HPSE2: variants seen among roughly 807,000 people sequenced by gnomAD.
HPSE2 encodes inactive heparanase-2.
HPSE2 carries 38 observed loss-of-function variants against 60.5 expected under a neutral mutation model. That is an observed-to-expected ratio of 0.63 (90% CI 0.48 to 0.82). HPSE2 has a LOEUF of 0.82. Ranked by LOEUF, HPSE2 falls within the 40% of genes least tolerant of loss-of-function variation. The pLI is 0.00. For missense variants in HPSE2, 713 were observed against 740.4 expected (o/e 0.96, Z 0.43); for synonymous variants, 295 against 293.2 (o/e 1.01, Z -0.06).
chr10:98,548,420 C>G (rs1564959156), intron 9 of HPSE2, among the ~76,000 whole-genome samples: 1 of 151,984 alleles, frequency 6.6e-6, no homozygotes, highest in Admixed American at 6.6e-5. Flanking sequence ...AGTTCAAGAC[C>G]AGTGTGGCCA....
At chr10:99,275,881 A>G in the HPSE2 span, among the ~76,000 whole-genome samples, 3 of 152,076 alleles carry the variant, frequency 2.0e-5, no homozygotes, top group Non-Finnish European at 4.4e-5. Context: ...AATGAAGGGA[A>G]GAGATTATTA....
intron 9 of HPSE2, among the ~76,000 whole-genome samples, chr10:98,497,814 G>A (rs1334791085): frequency 6.6e-6 from 1 of 151,878 alleles, no homozygotes; most frequent in Non-Finnish European, 1.5e-5. Context: ...TCATTTTCTT[G>A]TAGCACTGTT....
At chr10:98,936,381 G>A (rs1954790889) in intron 3 of HPSE2, among the ~76,000 whole-genome samples, 1 of 143,728 alleles carries the variant, frequency 7.0e-6, no homozygotes, top group South Asian at 2.1e-4. Flanking sequence ...GTGCCTGCCT[G>A]AACAGCTGCC....
At chr10:99,182,615 C>T (rs906890686) in intron 2 of HPSE2, among the ~76,000 whole-genome samples, 2 of 152,128 alleles carry the variant, frequency 1.3e-5, no homozygotes, top group Admixed American at 6.5e-5. Context: ...GACAGGGAGA[C>T]ATTCTGAGAA....
At chr10:99,113,452 A>G (rs904113185) in intron 3 of HPSE2, among the ~76,000 whole-genome samples, 69 of 152,330 alleles carry the variant, frequency 4.5e-4, no homozygotes, top group East Asian at 1.3e-3. Flanking sequence ...TTGAACATAT[A>G]TCATTCATAT....
intron 5 of HPSE2, among the ~76,000 whole-genome samples, chr10:98,697,945 C>T (rs1948275935): frequency 6.6e-6 from 1 of 150,530 alleles, no homozygotes; most frequent in South Asian, 2.2e-4. Context: ...GCTAACTATC[C>T]TAAATATATA....
chr10:98,951,984 T>C (rs1024900295), intron 3 of HPSE2, among the ~76,000 whole-genome samples: 1 of 152,182 alleles, frequency 6.6e-6, no homozygotes, highest in South Asian at 2.1e-4. Context: ...AACTATATTG[T>C]GGAGCCAAGA....
intron 3 of HPSE2, among the ~76,000 whole-genome samples, chr10:98,882,520 C>G (rs1003403676): frequency 1.3e-5 from 2 of 151,928 alleles, no homozygotes; most frequent in Non-Finnish European, 2.9e-5. Context: ...TTTCCTTGTA[C>G]TAGTGACTCT....
rs570326292 is a variant in HPSE2 at position 98,527,710 on chromosome 10, AGAGTAAGAG to A, written c.1321-37523_1321-37515del. 1.4e-4 allele frequency among the ~76,000 whole-genome samples: 21 copies of A among 152,256 alleles called. No homozygotes were observed. The East Asian group carries it at 4.1e-3, about 29-fold the overall frequency. On this transcript the variant is annotated intron_variant, in intron 9 of 11. Transcript: ENST00000370552. The stretch of plus-strand genomic sequence containing the variant: ...CCCTAGATCGACTCTGAGCTCCTTG[AGAGTAAGAG>A]GCTATGTCTGTTTCCTTTGTAGCTA...
intron 11 of HPSE2, among the ~76,000 whole-genome samples, chr10:98,473,802 G>A (rs1441175266): frequency 2.0e-5 from 3 of 152,142 alleles, no homozygotes; most frequent in Non-Finnish European, 2.9e-5. Flanking sequence ...AATACATGGA[G>A]GCTCTTTCCT....
chr10:99,164,915 C>T (rs567136524), intron 2 of HPSE2, among the ~76,000 whole-genome samples: 12 of 151,940 alleles, frequency 7.9e-5, no homozygotes, highest in African/African-American at 2.7e-4. Context: ...GAAACCCCGT[C>T]TCTACTAAAA....
At chr10:99,122,412 T>C (rs1320414832) in intron 3 of HPSE2, among the ~76,000 whole-genome samples, 1 of 152,016 alleles carries the variant, frequency 6.6e-6, no homozygotes, top group Non-Finnish European at 1.5e-5. Context: ...CCTTTGTCCT[T>C]GATAAGACTG....
chr10:98,987,728 T>C (rs937013456), intron 3 of HPSE2, among the ~76,000 whole-genome samples: 4 of 152,184 alleles, frequency 2.6e-5, no homozygotes, highest in Non-Finnish European at 5.9e-5. Flanking sequence ...ATGACATGAT[T>C]GTATACCTAG....
the HPSE2 span, among the ~76,000 whole-genome samples, chr10:99,264,695 T>C: frequency 1.1e-4 from 17 of 152,144 alleles, no homozygotes; most frequent in Admixed American, 1.1e-3. Flanking sequence ...TTTTTCTCCT[T>C]CTTTTATTTG....
intron 3 of HPSE2, among the ~76,000 whole-genome samples, chr10:99,119,087 AAGAG>A (rs1180353373): frequency 5.1e-5 from 3 of 59,116 alleles, no homozygotes; most frequent in Admixed American, 1.9e-4. Flanking sequence ...AAGAGAAAGA[AAGAG>A]AGAGAGAGGG....
At chr10:98,487,832 C>T (rs1941495873) in intron 10 of HPSE2, among the ~76,000 whole-genome samples, 1 of 152,222 alleles carries the variant, frequency 6.6e-6, no homozygotes, top group South Asian at 2.1e-4. Context: ...CTTAATGGCA[C>T]ATGATTTCTC....
chr10:98,936,579 C>G (rs1954797614), intron 3 of HPSE2, among the ~76,000 whole-genome samples: 1 of 143,638 alleles, frequency 7.0e-6, no homozygotes, highest in South Asian at 2.1e-4. Context: ...AAGTGACGCC[C>G]CACCCTGTTT....
chr10:99,173,455 A>T (rs1394109125), intron 2 of HPSE2, among the ~76,000 whole-genome samples: 1 of 152,204 alleles, frequency 6.6e-6, no homozygotes, highest in African/African-American at 2.4e-5. Flanking sequence ...GTAGACAGTG[A>T]TGCCCTTATC....
chr10:98,608,616 T>A (rs1945660640), intron 9 of HPSE2, among the ~76,000 whole-genome samples: 1 of 152,218 alleles, frequency 6.6e-6, no homozygotes, highest in Admixed American at 6.5e-5. Flanking sequence ...CTTCGGCCAC[T>A]GACGTGGAGC....
Sources: allele counts gnomAD v4.1 joint callset (sites outside exome capture counted in the v4.1 genomes callset), GRCh38; gene constraint gnomAD v4.1.1; transcripts MANE v1.5; gene names NCBI Gene and HGNC (gene_info 2026-07-23, HGNC 2026-07-21).